GSDMA: variants seen among roughly 807,000 people sequenced by gnomAD.
The protein encoded by GSDMA is gasdermin A, also known as gasdermin-A.
In GSDMA, 55 loss-of-function variants were observed where a neutral mutation model predicts 54.3. The ratio of observed to expected loss-of-function variants is 1.01; its 90% CI spans 0.82 to 1.27. The LOEUF is 1.27. Among genes scored for constraint, GSDMA ranks in the 50% most tolerant of loss-of-function variants. The pLI, the probability that GSDMA is intolerant of heterozygous loss-of-function variation, is 0.00. For synonymous variants in GSDMA, 211 were observed against 224.7 expected (o/e 0.94, Z 0.54); for missense variants, 542 against 542.6 (o/e 1.00, Z 0.01).
rs2144795920 is a variant in GSDMA at position 39,973,836 on chromosome 17, G to A, written c.751+6G>A. 6.2e-7 allele frequency: 1 copy of A among 1,612,498 alleles called. No homozygotes were observed. Among genetic ancestry groups the A allele is most frequent in the East Asian group, 2.2e-5 (1 of 44,848 alleles). Reference sequence around the variant, plus strand: ...TATCCAGGCATCTGATGTTGGTAAGGAACTTTGTGAGTTTCTCCCAAGACT... The same window carrying A: ...TATCCAGGCATCTGATGTTGGTAAGAAACTTTGTGAGTTTCTCCCAAGACT... On this transcript the variant is annotated splice_donor_region_variant and intron_variant, in intron 8 of 11. Transcript: ENST00000301659.
intron 10 of GSDMA, among the ~76,000 whole-genome samples, 161 bp from the exon 11 acceptor site, chr17:39,975,763 G>A (rs564284922): frequency 1.2e-4 from 19 of 152,206 alleles, no homozygotes; most frequent in Admixed American, 9.2e-4. Context: ...CCTGCCCTCC[G>A]ACTCCAAGAC....
At chr17:39,967,255 T>A (rs770548828) in intron 3 of GSDMA, among the ~76,000 whole-genome samples, 8 of 152,126 alleles carry the variant, frequency 5.3e-5, no homozygotes, top group Non-Finnish European at 8.8e-5. Context: ...GCTGTAGGGA[T>A]GGTTTGACTG....
chr17:39,976,478 A>G (rs912314242), intron 11 of GSDMA, among the ~76,000 whole-genome samples: 35 of 151,942 alleles, frequency 2.3e-4, no homozygotes, highest in African/African-American at 8.2e-4. Flanking sequence ...GGGTTTCACC[A>G]TGTTGGCCAG....
intron 7 of GSDMA, 104 bp from the exon 8 acceptor site, chr17:39,973,706 A>T: frequency 1.1e-6 from 1 of 921,004 alleles, no homozygotes. Flanking sequence ...CCCAGGAGAC[A>T]GGCAGGATGT....
At chr17:39,975,877 C>T (rs1292637653) in intron 10 of GSDMA, 47 bp from the exon 11 acceptor site, 1 of 1,371,858 alleles carries the variant, frequency 7.3e-7, no homozygotes, top group Non-Finnish European at 1.0e-6. Flanking sequence ...AGGCTGTAGT[C>T]CCCTCTGCAC....
At chr17:39,972,104 A>G in intron 5 of GSDMA, 25 bp from the exon 6 acceptor site, 1 of 348,172 alleles carries the variant, frequency 2.9e-6, no homozygotes, top group Non-Finnish European at 5.7e-6. Flanking sequence ...GTGTCCTCCC[A>G]CCCTCCCTCC....
chr17:39,972,226 C>T (rs777965162), intron 6 of GSDMA, 50 bp downstream of exon 6: 5 of 1,243,792 alleles, frequency 4.0e-6, no homozygotes, highest in Admixed American at 3.7e-5. Context: ...CTACCCCTGA[C>T]ATTATCTGCC....
rs1228041789 is a variant in GSDMA, at chr17:39,966,375, C to T, written c.330C>T (p.Asn110=). 6.2e-7 allele frequency: 1 copy of T among 1,613,902 alleles called. No individual in the cohort carries two copies. The highest frequency in any genetic ancestry group is 1.1e-5 in the South Asian group (1 of 91,072). The change falls in exon 3 of 12, where the codon AAC becomes AAT. Residue 110 remains asparagine (N), a synonymous_variant. Coordinates refer to ENST00000301659, the MANE Select transcript of GSDMA (RefSeq NM_178171.5). ...AGGGAACGGCAGGGCTCTCGCAGAA[C>T]AGCACTCTGGAGGTCCAGACACTCA... ...KVKGTAGLSQ[N]STLEVQTLSV... is the part of the protein sequence containing the mutation.
At position 39,976,933 on chromosome 17, in the gene GSDMA, G is replaced by A. The variant is rs747294044; in HGVS notation, c.1213G>A (p.Gly405Arg). 2.2e-5 allele frequency: 36 copies of A among 1,613,846 alleles called. No homozygotes were observed. Among genetic ancestry groups the A allele is most frequent in the African/African-American group, 4.0e-5 (3 of 74,886 alleles). ...GCTGACCCTCACGGAGGCTCTAGTC[G>A]GGCTGAGTGGCCTGGAAGTGCAGAG... ...EELTLTEALVGLSGLEVQRSG... is the reference protein window; with the variant it reads ...EELTLTEALVRLSGLEVQRSG... Residue 405 changes from glycine to arginine, a missense_variant, in exon 12 of 12, where the codon GGG becomes AGG. Gly to Arg is a moderately radical substitution (Grantham distance 125, BLOSUM62 -2). Transcript: ENST00000301659.
intron 3 of GSDMA, among the ~76,000 whole-genome samples, chr17:39,968,496 C>T (rs1204624732): frequency 7.3e-5 from 11 of 151,352 alleles, no homozygotes; most frequent in East Asian, 5.8e-4. Flanking sequence ...TGCAGGCGCA[C>T]GCCACTACAT....
intron 1 of GSDMA, 36 bp from the exon 2 acceptor site, chr17:39,965,647 C>A: frequency 6.5e-7 from 1 of 1,530,448 alleles, no homozygotes. Context: ...GCCTTGGCAG[C>A]CACCTTGACA....
Position 39,974,923 on chromosome 17 carries a change from A to T in GSDMA, c.930A>T (p.Gly310=), listed in dbSNP as rs1325460226. Reference sequence around the variant, plus strand: ...AGCTTGAAGGGGCTCTAGACAAGGGACATGAAGTGACCCTGGAGGCACTCC... The same window carrying T: ...AGCTTGAAGGGGCTCTAGACAAGGGTCATGAAGTGACCCTGGAGGCACTCC... ...ELALEGALDK[G]HEVTLEALPK... Residue 310 remains glycine, a synonymous_variant, in exon 10 of 12, where the codon GGA becomes GGT. Coordinates refer to ENST00000301659, the MANE Select transcript of GSDMA (RefSeq NM_178171.5). The T allele has an allele frequency of 6.2e-7, 1 of 1,609,826 alleles. No homozygotes were observed. The highest frequency in any genetic ancestry group is 8.5e-7 in the Non-Finnish European group (1 of 1,177,156).
chr17:39,965,304 G>GAAAT (rs140980169), intron 1 of GSDMA, among the ~76,000 whole-genome samples: 74 of 144,374 alleles, frequency 5.1e-4, no homozygotes, highest in African/African-American at 2.0e-3. Flanking sequence ...GAAAGAAAGA[G>GAAAT]AAATAAATAA....
In GSDMA at chr17:39,974,965, A is replaced by T. The variant is rs1157549957; in HGVS notation, c.972A>T (p.Leu324=). The change falls in exon 10 of 12, where the codon CTA becomes CTT. Residue 324 remains leucine, a synonymous_variant. Coordinates refer to ENST00000301659, the MANE Select transcript of GSDMA (RefSeq NM_178171.5). ...TLEALPKDVL[L]SKEAVGAILY... is the part of the protein sequence containing the mutation. ...AGGCACTCCCAAAAGATGTCCTGCT[A>T]TCAAAGGAGGCCGTGGGCGCCATCC... 6.2e-7 allele frequency: 1 copy of T among 1,613,218 alleles called. No individual in the cohort carries two copies. The highest frequency in any genetic ancestry group is 8.5e-7 in the Non-Finnish European group (1 of 1,179,596).
At chr17:39,973,901 G>A (rs1389828241) in intron 8 of GSDMA, 71 bp downstream of exon 8, 2 of 1,360,240 alleles carry the variant, frequency 1.5e-6, no homozygotes, top group Non-Finnish European at 2.1e-6. Context: ...AGAGGAGAAG[G>A]CGAAGTCATT....
intron 10 of GSDMA, among the ~76,000 whole-genome samples, chr17:39,975,672 C>T (rs983633219): frequency 3.3e-5 from 5 of 152,148 alleles, no homozygotes; most frequent in South Asian, 2.1e-4. Flanking sequence ...GCTCTTCTTC[C>T]CTCCACATTT....
intron 3 of GSDMA, among the ~76,000 whole-genome samples, chr17:39,966,975 A>G (rs1395691789): frequency 7.4e-6 from 1 of 135,866 alleles, no homozygotes; most frequent in Non-Finnish European, 1.6e-5. Context: ...CAGGTGCCAC[A>G]TTGATGCTGG....
At position 39,965,746 on chromosome 17, in the gene GSDMA, A is replaced by G. The variant is rs1241205798; in HGVS notation, c.59A>G (p.Asp20Gly). ...GCCAGACAGCTAAACCCTCGAGGGG[A>G]CCTGACACCACTTGACAGCCTCATC... ...ALARQLNPRG[D>G]LTPLDSLIDF... is the part of the protein sequence containing the mutation. The change falls in exon 2 of 12, where the codon GAC becomes GGC. Residue 20 changes from aspartate (D) to glycine (G), a missense_variant. Coordinates refer to ENST00000301659, the MANE Select transcript of GSDMA (RefSeq NM_178171.5). The G allele has an allele frequency of 6.2e-7, 1 of 1,611,656 alleles. No individual in the cohort carries two copies. Among genetic ancestry groups the G allele is most frequent in the South Asian group, 1.1e-5 (1 of 90,528 alleles).
chr17:39,965,324 G>T (rs1426597651), intron 1 of GSDMA, among the ~76,000 whole-genome samples: 9 of 150,918 alleles, frequency 6.0e-5, no homozygotes, highest in Non-Finnish European at 1.0e-4. Context: ...AAGAAAGAAA[G>T]AAAGAAAGAA....
Sources: gnomAD v4.1 joint callset for allele counts (sites outside exome capture counted in the v4.1 genomes callset) on GRCh38, gnomAD v4.1.1 for gene constraint, MANE v1.5 for transcripts, NCBI Gene and HGNC (gene_info 2026-07-23, HGNC 2026-07-21) for gene names.